The following CFAP54 variants were observed in gnomAD, a reference collection of about 807,000 sequenced individuals.
CFAP54 encodes cilia- and flagella-associated protein 54.
A neutral mutation model predicts 370.4 loss-of-function variants in CFAP54; 290 were observed. That is an observed-to-expected ratio of 0.78 (90% CI 0.71 to 0.86). The LOEUF is 0.86. Among genes scored for constraint, CFAP54 ranks in the 40% least tolerant of loss-of-function variants. The pLI, the probability that CFAP54 is intolerant of heterozygous loss-of-function variation, is 0.00. For missense variants in CFAP54, 3,399 were observed against 3,528.7 expected (o/e 0.96, Z 0.93); for synonymous variants, 1,206 against 1,236.5 (o/e 0.98, Z 0.52).
rs183343877 is a variant in CFAP54 at position 96,555,390 on chromosome 12, A to G, written c.2410+588A>G. On this transcript the variant is annotated intron_variant, in intron 17 of 67. Transcript: ENST00000524981. ...AGACACACTGCTGATTGGTGCAGGAAGATGAAAAAAATATTTATACTGAGA... is the reference window on the plus strand; with the variant it reads ...AGACACACTGCTGATTGGTGCAGGAGGATGAAAAAAATATTTATACTGAGA... Among the ~76,000 whole-genome samples the G allele has an allele frequency of 3.3e-5, 5 of 152,040 alleles. No homozygotes were observed. In the East Asian group the frequency reaches 7.7e-4, roughly 23 times the overall value.
chr12:96,503,854 G>A (rs1204815324), intron 2 of CFAP54, 32 bp from the exon 3 acceptor site: 29 of 1,444,158 alleles, frequency 2.0e-5, no homozygotes, highest in Middle Eastern at 3.6e-4. Context: ...ATGATATTTT[G>A]GAACTTTAAT....
intron 46 of CFAP54, 95 bp downstream of exon 46, chr12:96,700,188 C>A: frequency 7.4e-7 from 1 of 1,349,950 alleles, no homozygotes; most frequent in Non-Finnish European, 1.0e-6. Context: ...TATTTACAAT[C>A]TCTGGTATTT....
At chr12:96,814,676 G>A (rs1275218847) in intron 64 of CFAP54, among the ~76,000 whole-genome samples, 1 of 152,152 alleles carries the variant, frequency 6.6e-6, no homozygotes, top group Non-Finnish European at 1.5e-5. Flanking sequence ...ACATGTATTA[G>A]GTATTTGTCC....
chr12:96,556,900 C>T (rs1565895715), intron 17 of CFAP54, among the ~76,000 whole-genome samples: 1 of 144,538 alleles, frequency 6.9e-6, no homozygotes, highest in Non-Finnish European at 1.5e-5. Flanking sequence ...TGGGGCCTTT[C>T]TGAGGGTGAA....
chr12:96,594,718 G>GT (rs1216649946), intron 25 of CFAP54, among the ~76,000 whole-genome samples: 1 of 152,064 alleles, frequency 6.6e-6, no homozygotes, highest in African/African-American at 2.4e-5. Context: ...GAGTTTTAAA[G>GT]TTATTTTAAT....
chr12:96,839,169 C>T (rs1266695471), intron 66 of CFAP54, among the ~76,000 whole-genome samples: 1 of 152,114 alleles, frequency 6.6e-6, no homozygotes, highest in East Asian at 1.9e-4. Flanking sequence ...ATTTTCTAGT[C>T]ATATAATCTT....
At chr12:96,581,489 G>A (rs1222467056) in intron 22 of CFAP54, among the ~76,000 whole-genome samples, 1 of 151,984 alleles carries the variant, frequency 6.6e-6, no homozygotes, top group Non-Finnish European at 1.5e-5. Flanking sequence ...AAACTAGAGG[G>A]GTGCTACTGG....
chr12:96,589,881 G>A (rs1398981189), intron 23 of CFAP54, among the ~76,000 whole-genome samples: 1 of 152,002 alleles, frequency 6.6e-6, no homozygotes, highest in East Asian at 1.9e-4. Flanking sequence ...CGAGTAGCTG[G>A]GATTACAGGT....
At chr12:96,744,320 T>TATAG (rs1958087332) in intron 55 of CFAP54, among the ~76,000 whole-genome samples, 174 bp downstream of exon 55, 1 of 152,220 alleles carries the variant, frequency 6.6e-6, no homozygotes, top group South Asian at 2.1e-4. Context: ...CTGTGTGATG[T>TATAG]ATAGATGGTC....
Position 96,689,775 on chromosome 12 carries a change from G to T in CFAP54, c.6081+793G>T, listed in dbSNP as rs75010733. ...AAAGGAGCTTTTATTTGAAATACAA[G>T]ACATTTTGAAATTCCAAAATGTAAC... On this transcript the variant is annotated intron_variant, in intron 43 of 67. Coordinates refer to ENST00000524981, the MANE Select transcript of CFAP54 (RefSeq NM_001306084.2). Among the ~76,000 whole-genome samples the T allele has an allele frequency of 2.0e-3, 306 of 152,236 alleles. 1 individual carries two copies. The highest frequency in any genetic ancestry group is 7.2e-3 in the African/African-American group (301 of 41,532).
intron 47 of CFAP54, among the ~76,000 whole-genome samples, chr12:96,705,227 A>G (rs1957535390): frequency 6.6e-6 from 1 of 152,182 alleles, no homozygotes; most frequent in Non-Finnish European, 1.5e-5. Context: ...GTGCTAGGAA[A>G]CAGCATTAAG....
Position 96,805,873 on chromosome 12 carries a change from TAC to T in CFAP54, c.8851-5862_8851-5861del, listed in dbSNP as rs1236390428. 2.6e-5 allele frequency among the ~76,000 whole-genome samples: 4 copies of T among 151,562 alleles called. No individual in the cohort carries two copies. The East Asian group carries it at 7.8e-4, about 29-fold the overall frequency. ...ATCAGTAGAGGACTGGATAAAGAAC[TAC>T]TCAGCCATAAAAAATAATGAATCAT... On this transcript the variant is annotated intron_variant, in intron 63 of 67. Transcript: ENST00000524981.
intron 67 of CFAP54, among the ~76,000 whole-genome samples, chr12:96,873,177 A>G (rs987000077): frequency 5.3e-5 from 8 of 152,248 alleles, no homozygotes; most frequent in African/African-American, 1.7e-4. Flanking sequence ...AACAAGGATC[A>G]TGAGAACATA....
At chr12:96,865,084 T>C (rs2136467210) in intron 67 of CFAP54, among the ~76,000 whole-genome samples, 1 of 152,314 alleles carries the variant, frequency 6.6e-6, no homozygotes, top group African/African-American at 2.4e-5. Context: ...TTTGAAATGT[T>C]ATGGTATATT....
intron 32 of CFAP54, among the ~76,000 whole-genome samples, chr12:96,641,936 T>TGGGG (rs758561828): frequency 5.4e-4 from 46 of 85,822 alleles, no homozygotes; most frequent in Non-Finnish European, 8.3e-4. Flanking sequence ...TGTGGGGTGG[T>TGGGG]GCGGGGGGGG....
chr12:96,519,106 T>G, intron 6 of CFAP54, 35 bp downstream of exon 6: 1 of 1,501,956 alleles, frequency 6.7e-7, no homozygotes, highest in Middle Eastern at 2.1e-4. Context: ...AGTCGAGTTT[T>G]TTTTTTTTTT....
chr12:96,501,409 T>C (rs1955025446), intron 2 of CFAP54, among the ~76,000 whole-genome samples: 1 of 152,244 alleles, frequency 6.6e-6, no homozygotes, highest in Admixed American at 6.5e-5. Context: ...TGTTTTGCTG[T>C]ATGTAATTAT....
intron 58 of CFAP54, among the ~76,000 whole-genome samples, chr12:96,761,425 G>A (rs4099091): frequency 0.36 from 55,175 of 151,778 alleles, 10,741 homozygotes; most frequent in East Asian, 0.58. Flanking sequence ...CTGGTTAGTC[G>A]CTTGTCCTTT....
chr12:96,631,428 A>G (rs919033590), intron 32 of CFAP54, among the ~76,000 whole-genome samples: 17 of 151,696 alleles, frequency 1.1e-4, no homozygotes, highest in Non-Finnish European at 1.0e-4. Flanking sequence ...CCACATATGT[A>G]TGTAGCCCCA....
Sources: gnomAD v4.1 joint callset for allele counts (sites outside exome capture counted in the v4.1 genomes callset) on GRCh38, gnomAD v4.1.1 for gene constraint, MANE v1.5 for transcripts, NCBI Gene and HGNC (gene_info 2026-07-23, HGNC 2026-07-21) for gene names.